Variants in CFAP47 observed in about 807,000 individuals in gnomAD.
CFAP47 encodes cilia- and flagella-associated protein 47.
A neutral mutation model predicts 148.1 loss-of-function variants in CFAP47; 29 were observed. The ratio of observed to expected loss-of-function variants is 0.20; its 90% CI spans 0.15 to 0.27. The LOEUF is 0.27. Ranked by LOEUF, CFAP47 falls within the 10% of genes least tolerant of loss-of-function variation. CFAP47 has a pLI of 1.00. For missense variants in CFAP47, 1,872 were observed against 1,697.5 expected (o/e 1.10, Z -1.81); for synonymous variants, 664 against 577.3 (o/e 1.15, Z -2.15).
chrX:36,371,637 C>CACACATATGTGTATATATGTGTGTATAT (rs1569329014), intron 62 of CFAP47, among the ~76,000 whole-genome samples: 3 of 75,314 alleles, frequency 4.0e-5, no homozygotes, highest in Non-Finnish European at 7.8e-5. Flanking sequence ...TGTGTATATA[C>CACACATATGTGTATATATGTGTGTATAT]ACACATATGT....
intron 15 of CFAP47, among the ~76,000 whole-genome samples, chrX:35,982,789 G>C (rs766816609): frequency 1.8e-5 from 2 of 110,720 alleles, no homozygotes; most frequent in South Asian, 3.8e-4. Flanking sequence ...TTTATTTCTG[G>C]ACTCTCTAGT....
At chrX:36,128,177 T>C (rs5972016) in intron 33 of CFAP47, among the ~76,000 whole-genome samples, 11,634 of 110,897 alleles carry the variant, frequency 0.1, 1,218 homozygotes, top group African/African-American at 0.32. Context: ...ATTTTTCTGA[T>C]CACTTCAAGA....
intron 45 of CFAP47, among the ~76,000 whole-genome samples, chrX:36,208,019 G>A (rs782773141): frequency 1.4e-4 from 16 of 111,373 alleles, no homozygotes; most frequent in Admixed American, 1.1e-3. Context: ...ATTTTGTATC[G>A]CTCTAATTTC....
At chrX:36,017,972 C>T (rs759408822) in intron 22 of CFAP47, among the ~76,000 whole-genome samples, 3 of 111,086 alleles carry the variant, frequency 2.7e-5, no homozygotes, top group Admixed American at 1.9e-4. Flanking sequence ...GATATTTTTA[C>T]AATAGTGACT....
chrX:36,124,960 T>C (rs1938810338), intron 33 of CFAP47, among the ~76,000 whole-genome samples: 1 of 111,418 alleles, frequency 9.0e-6, no homozygotes. Context: ...GAATTTAGTA[T>C]AATGAGAGTG....
At chrX:36,378,212 A>G (rs1251727097) in intron 62 of CFAP47, among the ~76,000 whole-genome samples, 3 of 112,161 alleles carry the variant, frequency 2.7e-5, no homozygotes, top group Non-Finnish European at 3.8e-5. Context: ...TTATTTTGCA[A>G]TCCTTATCTC....
chrX:35,945,265 G>A (rs1301362051), intron 3 of CFAP47, among the ~76,000 whole-genome samples: 2 of 111,810 alleles, frequency 1.8e-5, no homozygotes, highest in African/African-American at 6.5e-5. Context: ...AGCTATTTAT[G>A]TTATAATTAT....
chrX:36,089,500 T>C (rs769287104), intron 30 of CFAP47, among the ~76,000 whole-genome samples: 3 of 112,158 alleles, frequency 2.7e-5, no homozygotes, highest in Admixed American at 1.9e-4. Flanking sequence ...AAAGAAACAA[T>C]CCAAGAAGTA....
chrX:35,932,137 C>T (rs1443095072), intron 2 of CFAP47, among the ~76,000 whole-genome samples: 1 of 109,258 alleles, frequency 9.2e-6, no homozygotes, highest in East Asian at 2.9e-4. Flanking sequence ...CAACCTCAAC[C>T]TTCTGGGCTC....
At chrX:36,165,441 C>G (rs1395895181) in intron 39 of CFAP47, among the ~76,000 whole-genome samples, 2 of 111,319 alleles carry the variant, frequency 1.8e-5, no homozygotes, top group Non-Finnish European at 3.8e-5. Flanking sequence ...TTATCATAAT[C>G]AACTTCAGAT....
chrX:35,959,878 C>CAAAA (rs755201291), intron 8 of CFAP47, among the ~76,000 whole-genome samples: 1 of 30,380 alleles, frequency 3.3e-5, no homozygotes, highest in Non-Finnish European at 6.2e-5. Context: ...GACTCCGTCT[C>CAAAA]AAAAAAAAAA....
intron 58 of CFAP47, among the ~76,000 whole-genome samples, chrX:36,348,928 C>T (rs1293508149): frequency 4.5e-5 from 5 of 111,386 alleles, no homozygotes; most frequent in African/African-American, 1.6e-4. Flanking sequence ...CCTACATGTG[C>T]ATATTTCTTT....
At chrX:36,063,662 G>A (rs1184861040) in intron 26 of CFAP47, among the ~76,000 whole-genome samples, 1 of 111,809 alleles carries the variant, frequency 8.9e-6, no homozygotes, top group Non-Finnish European at 1.9e-5. Context: ...TCAAGTGATA[G>A]TGTTTTTTTG....
intron 22 of CFAP47, among the ~76,000 whole-genome samples, chrX:36,026,073 A>G (rs1265933221): frequency 8.9e-6 from 1 of 111,787 alleles, no homozygotes; most frequent in Non-Finnish European, 1.9e-5. Context: ...ATTTACAGAT[A>G]TTTTTGTCCT....
intron 42 of CFAP47, among the ~76,000 whole-genome samples, chrX:36,194,563 G>A (rs1372157574): frequency 8.9e-6 from 1 of 112,017 alleles, no homozygotes; most frequent in African/African-American, 3.2e-5. Context: ...TTGGCTCATG[G>A]TTCTGCGGGC....
rs142714155 is a variant in CFAP47 at position 36,359,234 on chromosome X, C to T, written c.8852-2096C>T. 4.7e-3 allele frequency among the ~76,000 whole-genome samples: 526 copies of T among 111,328 alleles called. 1 individual carries two copies. Among genetic ancestry groups the T allele is most frequent in the African/African-American group, 0.016 (494 of 30,624 alleles). On this transcript the variant is annotated intron_variant, in intron 60 of 63. Coordinates refer to ENST00000378653, the MANE Select transcript of CFAP47 (RefSeq NM_001304548.2). ...TTTAGCCATAGCTATAAAGTTTCCC[C>T]GAGGTAAAAATTTATAGGTCTTCAT...
chrX:36,015,099 C>T (rs1000997261), intron 22 of CFAP47, among the ~76,000 whole-genome samples, 187 bp downstream of exon 22: 1 of 109,541 alleles, frequency 9.1e-6, no homozygotes, highest in African/African-American at 3.3e-5. Flanking sequence ...TGACAAACAG[C>T]GCAGATATAA....
chrX:36,161,711 G>T (rs1939433078), intron 39 of CFAP47, among the ~76,000 whole-genome samples: 1 of 111,703 alleles, frequency 9.0e-6, no homozygotes, highest in Non-Finnish European at 1.9e-5. Context: ...ATTGAAACTG[G>T]AAGTTATAAT....
chrX:36,261,494 C>T (rs201812876), intron 49 of CFAP47, among the ~76,000 whole-genome samples: 36 of 102,024 alleles, frequency 3.5e-4, no homozygotes, highest in Admixed American at 7.3e-4. Flanking sequence ...TGTTTGTGTC[C>T]CTGGGTACTT....
Sources: allele counts gnomAD v4.1 joint callset (sites outside exome capture counted in the v4.1 genomes callset), GRCh38; gene constraint gnomAD v4.1.1; transcripts MANE v1.5; gene names NCBI Gene and HGNC (gene_info 2026-07-23, HGNC 2026-07-21).